R3HDM1: variants seen among roughly 807,000 people sequenced by gnomAD.
R3HDM1 encodes R3H domain-containing protein 1.
Under a neutral mutation model 141.1 loss-of-function variants are expected in R3HDM1, and 46 were observed. The observed-to-expected ratio is 0.33, with a 90% CI of 0.26 to 0.42. The LOEUF (loss-of-function observed/expected upper bound fraction) is 0.42. R3HDM1 is among the 10% of genes least tolerant of loss of function. The pLI is 1.00. For missense variants in R3HDM1, 1,184 were observed against 1,368.3 expected, an observed-to-expected ratio of 0.87 and a Z score of 2.12; for synonymous variants, 435 against 472.9, an observed-to-expected ratio of 0.92 and a Z score of 1.04.
At chr2:135,691,403 C>G (rs1237262554) in intron 21 of R3HDM1, among the ~76,000 whole-genome samples, 1 of 152,102 alleles carries the variant, frequency 6.6e-6, no homozygotes, top group Non-Finnish European at 1.5e-5. Flanking sequence ...CGCTTGAGCT[C>G]AGGAGTTCAA....
intron 21 of R3HDM1, among the ~76,000 whole-genome samples, chr2:135,707,218 C>T (rs1181914689): frequency 6.6e-6 from 1 of 152,206 alleles, no homozygotes. Flanking sequence ...CTCCTGTCTT[C>T]CAAAGGAGGA....
At chr2:135,669,074 AC>A (rs2067935562) in intron 19 of R3HDM1, 1 of 901,288 alleles carries the variant, frequency 1.1e-6, no homozygotes. Context: ...ATGGAGTCTC[AC>A]TGTTTTGCCT....
At chr2:135,637,953 A>G (rs2063427338) in intron 11 of R3HDM1, among the ~76,000 whole-genome samples, 1 of 152,198 alleles carries the variant, frequency 6.6e-6, no homozygotes, top group African/African-American at 2.4e-5. Context: ...CAGACAATAC[A>G]TAAGTGAATG....
intron 1 of R3HDM1, among the ~76,000 whole-genome samples, chr2:135,569,920 G>A (rs1359151228): frequency 6.6e-6 from 1 of 151,940 alleles, no homozygotes; most frequent in African/African-American, 2.4e-5. Flanking sequence ...TAGAGACTGG[G>A]TTTCAACATG....
intron 3 of R3HDM1, among the ~76,000 whole-genome samples, chr2:135,614,589 T>C (rs924176114): frequency 2.0e-5 from 3 of 152,200 alleles, no homozygotes; most frequent in African/African-American, 7.2e-5. Context: ...AATTCAAAAA[T>C]TTAAGTCCAG....
chr2:135,664,035 A>AG lies in R3HDM1; in HGVS notation c.2152+2642_2152+2643insG, dbSNP rs201192750. ...GGCAACAGAGTGAGACTGTCTCAAA[A>AG]AAAAAAAAAAAAAACTTAACAGAAA... On this transcript the variant is annotated intron_variant, in intron 19 of 26. Transcript: ENST00000683871. Among the ~76,000 whole-genome samples the AG allele has an allele frequency of 2.9e-3, 435 of 151,834 alleles. 2 individuals carry two copies. The highest frequency in any genetic ancestry group is 9.9e-3 in the African/African-American group (410 of 41,374).
In R3HDM1 at chr2:135,706,365, T is replaced by G. The variant is rs1449531817; in HGVS notation, c.2460-3068T>G. Among the ~76,000 whole-genome samples, 3 of 136,828 alleles carry G rather than the reference T, an allele frequency of 2.2e-5. No homozygotes were observed. The East Asian group carries it at 6.0e-4, about 27-fold the overall frequency. 89.8% of individuals were successfully genotyped at this position (136,828 alleles called of 152,430 possible). On this transcript the variant is annotated intron_variant, in intron 21 of 26. Coordinates refer to ENST00000683871, the MANE Select transcript of R3HDM1 (RefSeq NM_001378107.1). ...TTTTTTAGTTTACATATCCATAGTT[T>G]TGTTTTTGTTTTTGTTTTTGTTTTT...
chr2:135,596,686 G>C (rs1389862564), intron 1 of R3HDM1, among the ~76,000 whole-genome samples: 1 of 151,988 alleles, frequency 6.6e-6, no homozygotes, highest in South Asian at 2.1e-4. Flanking sequence ...ATTCTTCTTT[G>C]GACTTATATT....
intron 21 of R3HDM1, among the ~76,000 whole-genome samples, chr2:135,681,132 G>C (rs1559420931): frequency 1.3e-5 from 2 of 152,190 alleles, no homozygotes; most frequent in Non-Finnish European, 2.9e-5. Flanking sequence ...GACAAGCCAT[G>C]TGTTGAAAAT....
At chr2:135,666,567 C>T (rs2067527142) in intron 19 of R3HDM1, among the ~76,000 whole-genome samples, 1 of 152,124 alleles carries the variant, frequency 6.6e-6, no homozygotes. Context: ...GGTAAGTACC[C>T]ACAGATTTCC....
In R3HDM1 at chr2:135,616,197, T is replaced by C; in HGVS notation, c.213+4T>C. ...ACAGACAGGAAAAAGGTCTAAGGTA[T>C]AGTAAATATTTTGGTGTGCTGGCAT... On this transcript the variant is annotated splice_donor_region_variant and intron_variant, in intron 4 of 26. Transcript: ENST00000683871. 6.2e-7 allele frequency: 1 copy of C among 1,610,860 alleles called. No individual in the cohort carries two copies. Among genetic ancestry groups the C allele is most frequent in the African/African-American group, 1.3e-5 (1 of 74,960 alleles).
chr2:135,589,849 AATAT>A (rs1708837987), intron 1 of R3HDM1, among the ~76,000 whole-genome samples: 1 of 151,980 alleles, frequency 6.6e-6, no homozygotes, highest in Non-Finnish European at 1.5e-5. Flanking sequence ...TACATTATAT[AATAT>A]ATATGATGCA....
At chr2:135,655,309 T>C (rs1222050878) in intron 18 of R3HDM1, among the ~76,000 whole-genome samples, 2 of 152,186 alleles carry the variant, frequency 1.3e-5, no homozygotes, top group Non-Finnish European at 2.9e-5. Flanking sequence ...TTGGAATCCT[T>C]GTCGAATATC....
chr2:135,650,464 T>C (rs758691728), intron 17 of R3HDM1: 2 of 979,684 alleles, frequency 2.0e-6, no homozygotes, highest in Non-Finnish European at 2.4e-6. Flanking sequence ...GATTTCTGGA[T>C]ATTTAATCTG....
intron 7 of R3HDM1, among the ~76,000 whole-genome samples, chr2:135,630,874 G>T (rs1245891456): frequency 1.3e-5 from 2 of 152,042 alleles, no homozygotes; most frequent in Non-Finnish European, 2.9e-5. Flanking sequence ...CATGTTATGG[G>T]TGTGTGAGCA....
intron 1 of R3HDM1, among the ~76,000 whole-genome samples, chr2:135,580,074 T>C (rs771420427): frequency 1.6e-4 from 24 of 151,750 alleles, no homozygotes; most frequent in Non-Finnish European, 2.5e-4. Flanking sequence ...GCCTGGGCAA[T>C]ATGGCAAAAA....
At position 135,558,428 on chromosome 2, in the gene R3HDM1, A is replaced by G. The variant is rs77105997; in HGVS notation, c.-250+26795A>G. Among the ~76,000 whole-genome samples, 850 of 152,310 alleles carry G rather than the reference A, an allele frequency of 5.6e-3. 4 individuals carry two copies. The highest frequency in any genetic ancestry group is 0.011 in the South Asian group (53 of 4,822). On this transcript the variant is annotated intron_variant, in intron 1 of 26. Transcript: ENST00000683871. ...ATTTAAGATATTGGGGAGTTTTACAAACCTTGCTTGCTGTTGTTTTCCCAT... is the reference window on the plus strand; with the variant it reads ...ATTTAAGATATTGGGGAGTTTTACAGACCTTGCTTGCTGTTGTTTTCCCAT...
At chr2:135,645,632 T>G in intron 16 of R3HDM1, 105 bp downstream of exon 16, 1 of 1,356,408 alleles carries the variant, frequency 7.4e-7, no homozygotes, top group Non-Finnish European at 1.0e-6. Flanking sequence ...TCTTAGAACT[T>G]TAATATTCTG....
intron 1 of R3HDM1, among the ~76,000 whole-genome samples, chr2:135,562,303 AG>A (rs1433110876): frequency 2.6e-5 from 4 of 152,238 alleles, no homozygotes; most frequent in Non-Finnish European, 5.9e-5. Context: ...AAGCTTCTAT[AG>A]GATATTTGGT....
Sources: allele counts gnomAD v4.1 joint callset (sites outside exome capture counted in the v4.1 genomes callset), GRCh38; gene constraint gnomAD v4.1.1; transcripts MANE v1.5; gene names NCBI Gene and HGNC (gene_info 2026-07-23, HGNC 2026-07-21).